PBX3: variants seen among roughly 807,000 people sequenced by gnomAD.
PBX3 encodes the protein pre-B-cell leukemia transcription factor 3.
A neutral mutation model predicts 48.5 loss-of-function variants in PBX3; 14 were observed. The observed-to-expected ratio is 0.29, with a 90% CI of 0.19 to 0.45. The LOEUF (loss-of-function observed/expected upper bound fraction) is 0.45. Ranked by LOEUF, PBX3 falls within the 20% of genes least tolerant of loss-of-function variation. The pLI is 1.00. For missense variants in PBX3, 386 were observed against 546.7 expected, an observed-to-expected ratio of 0.71 and a Z score of 2.93; for synonymous variants, 210 against 200.3, an observed-to-expected ratio of 1.05 and a Z score of -0.41.
At chr9:125,842,686 C>T (rs1385231808) in intron 2 of PBX3, among the ~76,000 whole-genome samples, 2 of 152,052 alleles carry the variant, frequency 1.3e-5, no homozygotes, top group African/African-American at 4.8e-5. Flanking sequence ...TTTAGTTGCT[C>T]GAGTTCTTTT....
chr9:125,811,932 G>A (rs1358464191), intron 2 of PBX3, among the ~76,000 whole-genome samples: 1 of 152,156 alleles, frequency 6.6e-6, no homozygotes, highest in Non-Finnish European at 1.5e-5. Flanking sequence ...GTATTAAGGG[G>A]TGGGATCTTT....
At chr9:125,782,415 G>A (rs1015388014) in intron 2 of PBX3, among the ~76,000 whole-genome samples, 2 of 152,072 alleles carry the variant, frequency 1.3e-5, no homozygotes, top group African/African-American at 4.8e-5. Flanking sequence ...ATATCATCTG[G>A]TTTTGCCCAC....
chr9:125,952,355 T>A (rs1588334465), intron 5 of PBX3, among the ~76,000 whole-genome samples: 2 of 152,388 alleles, frequency 1.3e-5, no homozygotes, highest in South Asian at 4.1e-4. Flanking sequence ...TACAAAGTTC[T>A]GCACTTCTGC....
intron 3 of PBX3, among the ~76,000 whole-genome samples, chr9:125,927,564 T>A (rs934851678): frequency 1.5e-4 from 23 of 152,194 alleles, no homozygotes; most frequent in African/African-American, 5.1e-4. Flanking sequence ...TCAGTGATTT[T>A]TCTGTCTTCT....
intron 5 of PBX3, among the ~76,000 whole-genome samples, chr9:125,943,438 T>G (rs1454516152): frequency 6.6e-6 from 1 of 150,626 alleles, no homozygotes; most frequent in African/African-American, 2.4e-5. Context: ...TTAGGGTTTT[T>G]GAGTTTCCCT....
intron 2 of PBX3, chr9:125,844,645 A>G (rs1175867123): frequency 6.6e-6 from 1 of 152,150 alleles, no homozygotes; most frequent in Non-Finnish European, 1.5e-5. Flanking sequence ...TTCAAAGGAC[A>G]AAAGAGATCA....
At chr9:125,950,490 T>TTC (rs1351732235) in intron 5 of PBX3, among the ~76,000 whole-genome samples, 5 of 151,668 alleles carry the variant, frequency 3.3e-5, no homozygotes, top group South Asian at 2.1e-4. Flanking sequence ...TTCTTTTTTT[T>TTC]TTTTTTGAGA....
At chr9:125,929,952 G>T in intron 4 of PBX3, 107 bp downstream of exon 4, 3 of 804,826 alleles carry the variant, frequency 3.7e-6, no homozygotes, top group Non-Finnish European at 6.2e-6. Context: ...TTGGCCATAT[G>T]AGTCTTTTGT....
At chr9:125,765,080 T>C (rs944350711) in intron 2 of PBX3, among the ~76,000 whole-genome samples, 1 of 152,158 alleles carries the variant, frequency 6.6e-6, no homozygotes, top group Non-Finnish European at 1.5e-5. Flanking sequence ...TATATACAGA[T>C]ACTGACCCTG....
chr9:125,899,718 A>G (rs752346344), intron 2 of PBX3, among the ~76,000 whole-genome samples: 1 of 151,616 alleles, frequency 6.6e-6, no homozygotes, highest in Non-Finnish European at 1.5e-5. Context: ...AAAAGAAAAG[A>G]TAATTTGTCC....
intron 2 of PBX3, among the ~76,000 whole-genome samples, chr9:125,826,743 T>G (rs896195652): frequency 1.3e-5 from 2 of 152,302 alleles, no homozygotes; most frequent in East Asian, 3.9e-4. Context: ...ACATATTTTT[T>G]AATTGACACA....
intron 2 of PBX3, among the ~76,000 whole-genome samples, chr9:125,792,859 C>T (rs1004093668): frequency 4.7e-4 from 71 of 151,688 alleles, no homozygotes; most frequent in Admixed American, 1.4e-3. Flanking sequence ...CCACCACGCC[C>T]GGCTAATTTT....
At chr9:125,886,839 C>T (rs951991227) in intron 2 of PBX3, among the ~76,000 whole-genome samples, 8 of 152,026 alleles carry the variant, frequency 5.3e-5, no homozygotes, top group African/African-American at 1.9e-4. Context: ...TTTTATTTTG[C>T]ATTTAAATCC....
chr9:125,882,737 C>T (rs987255038), intron 2 of PBX3, among the ~76,000 whole-genome samples: 3 of 152,178 alleles, frequency 2.0e-5, no homozygotes, highest in African/African-American at 7.2e-5. Context: ...TAGCCAATGG[C>T]TCTGTAAGCC....
intron 2 of PBX3, among the ~76,000 whole-genome samples, chr9:125,857,055 A>G (rs1192054866): frequency 6.6e-6 from 1 of 152,204 alleles, no homozygotes; most frequent in Admixed American, 6.5e-5. Context: ...TCATTCAGAA[A>G]TTGATATTAA....
chr9:125,901,024 T>C (rs1840932518), intron 2 of PBX3, among the ~76,000 whole-genome samples: 1 of 151,768 alleles, frequency 6.6e-6, no homozygotes, highest in African/African-American at 2.4e-5. Flanking sequence ...TCAAATACCT[T>C]TTAGAAGCTT....
chr9:125,915,249 C>T (rs1841298998), intron 2 of PBX3, among the ~76,000 whole-genome samples: 1 of 152,108 alleles, frequency 6.6e-6, no homozygotes, highest in African/African-American at 2.4e-5. Context: ...TTCTGTTTCT[C>T]CAACTGTACA....
intron 5 of PBX3, among the ~76,000 whole-genome samples, chr9:125,945,242 A>G (rs75274578): frequency 6.8e-6 from 1 of 146,206 alleles, no homozygotes; most frequent in African/African-American, 2.5e-5. Flanking sequence ...AAAAAAAAAA[A>G]TAGCATGTAC....
chr9:125,783,395 C>T (rs1837374522), intron 2 of PBX3, among the ~76,000 whole-genome samples: 1 of 152,072 alleles, frequency 6.6e-6, no homozygotes, highest in South Asian at 2.1e-4. Flanking sequence ...TCAAGTGATT[C>T]TCCTGCCTCC....
Sources: gnomAD v4.1 joint callset for allele counts (sites outside exome capture counted in the v4.1 genomes callset) on GRCh38, gnomAD v4.1.1 for gene constraint, MANE v1.5 for transcripts, NCBI Gene and HGNC (gene_info 2026-07-23, HGNC 2026-07-21) for gene names.